Variants in NKAIN2 observed in about 807,000 individuals in gnomAD.
NKAIN2 encodes sodium/potassium-transporting ATPase subunit beta-1-interacting protein 2.
In NKAIN2, 14 loss-of-function variants were observed where a neutral mutation model predicts 32.6. The observed-to-expected ratio is 0.43, with a 90% confidence interval of 0.28 to 0.67. The LOEUF is 0.67. Among genes scored for constraint, NKAIN2 ranks in the 30% least tolerant of loss-of-function variants. The pLI, the probability that NKAIN2 is intolerant of heterozygous loss-of-function variation, is 0.17. For synonymous variants in NKAIN2, 80 were observed against 87.2 expected, an observed-to-expected ratio of 0.92 and a Z score of 0.46; for missense variants, 198 against 258.3, an observed-to-expected ratio of 0.77 and a Z score of 1.60.
intron 1 of NKAIN2, among the ~76,000 whole-genome samples, chr6:124,008,085 C>T (rs1448309479): frequency 1.5e-4 from 23 of 152,184 alleles, no homozygotes; most frequent in Middle Eastern, 3.4e-3. Flanking sequence ...CAGTGATGAC[C>T]GAGGAGGAGT....
intron 3 of NKAIN2, among the ~76,000 whole-genome samples, chr6:124,438,478 T>C (rs573355012): frequency 6.6e-6 from 1 of 152,296 alleles, no homozygotes; most frequent in South Asian, 2.1e-4. Flanking sequence ...CTGTTGACTC[T>C]TAACTGTGCT....
intron 1 of NKAIN2, among the ~76,000 whole-genome samples, chr6:123,822,207 A>G (rs988229138): frequency 2.7e-5 from 4 of 148,812 alleles, no homozygotes; most frequent in African/African-American, 9.9e-5. Flanking sequence ...GATGACTGTT[A>G]AAAAAAAAAC....
intron 4 of NKAIN2, among the ~76,000 whole-genome samples, chr6:124,790,564 T>C (rs1779702657): frequency 6.6e-6 from 1 of 152,086 alleles, no homozygotes; most frequent in South Asian, 2.1e-4. Context: ...TTTTCCATTA[T>C]CCAGATATTA....
intron 5 of NKAIN2, among the ~76,000 whole-genome samples, chr6:124,815,250 G>A (rs371418007): frequency 9.3e-4 from 82 of 88,310 alleles, no homozygotes; most frequent in South Asian, 2.4e-3. Flanking sequence ...ATGTATATAT[G>A]TATATATATA....
chr6:124,163,236 T>C (rs1166607854), intron 1 of NKAIN2, among the ~76,000 whole-genome samples: 1 of 151,970 alleles, frequency 6.6e-6, no homozygotes, highest in Non-Finnish European at 1.5e-5. Context: ...GAAATAAATA[T>C]ACTGTAGTTA....
At chr6:124,178,115 C>T (rs1447077349) in intron 1 of NKAIN2, among the ~76,000 whole-genome samples, 1 of 151,982 alleles carries the variant, frequency 6.6e-6, no homozygotes, top group Non-Finnish European at 1.5e-5. Context: ...TGTGAAGATG[C>T]AGCAAAAAGG....
chr6:123,848,365 G>C (rs1217929054), intron 1 of NKAIN2, among the ~76,000 whole-genome samples: 1 of 152,196 alleles, frequency 6.6e-6, no homozygotes, highest in Non-Finnish European at 1.5e-5. Context: ...ATCTTGAATT[G>C]TAGTTTCCAT....
chr6:124,625,959 ATACTT>A (rs1783314483), intron 3 of NKAIN2, among the ~76,000 whole-genome samples: 1 of 151,760 alleles, frequency 6.6e-6, no homozygotes, highest in Non-Finnish European at 1.5e-5. Context: ...TATTATTATT[ATACTT>A]TAAGTTTTAG....
intron 3 of NKAIN2, among the ~76,000 whole-genome samples, chr6:124,595,169 C>T (rs1782038945): frequency 2.0e-5 from 3 of 152,218 alleles, no homozygotes. Flanking sequence ...CTTGTTTTCA[C>T]AAGGCTGGTT....
chr6:124,789,826 A>C (rs185906661), intron 4 of NKAIN2, among the ~76,000 whole-genome samples: 20 of 152,162 alleles, frequency 1.3e-4, no homozygotes, highest in Admixed American at 9.8e-4. Context: ...AAACATGCTG[A>C]TTTGATGAGT....
intron 1 of NKAIN2, among the ~76,000 whole-genome samples, chr6:124,187,997 A>AATAG (rs1415091425): frequency 1.3e-5 from 2 of 152,220 alleles, no homozygotes; most frequent in Non-Finnish European, 2.9e-5. Flanking sequence ...TCATGGAAGC[A>AATAG]ATAGATGGTC....
At chr6:124,715,250 G>A (rs1318068620) in intron 4 of NKAIN2, among the ~76,000 whole-genome samples, 1 of 152,162 alleles carries the variant, frequency 6.6e-6, no homozygotes. Flanking sequence ...CCACATCAAG[G>A]TGTGACAAAG....
chr6:124,158,212 T>C (rs1788085196), intron 1 of NKAIN2, among the ~76,000 whole-genome samples: 1 of 152,114 alleles, frequency 6.6e-6, no homozygotes, highest in Admixed American at 6.5e-5. Context: ...TTTTCCTTTG[T>C]TCTTTCTCTT....
At chr6:124,689,360 C>T (rs905427479) in intron 4 of NKAIN2, among the ~76,000 whole-genome samples, 4 of 152,028 alleles carry the variant, frequency 2.6e-5, no homozygotes, top group Non-Finnish European at 5.9e-5. Context: ...GGATTGCAGT[C>T]CTTTATCATA....
intron 1 of NKAIN2, among the ~76,000 whole-genome samples, chr6:124,214,064 C>T (rs1186235898): frequency 2.6e-5 from 4 of 152,200 alleles, no homozygotes; most frequent in Non-Finnish European, 5.9e-5. Context: ...AACATTTCCT[C>T]CATTGTATAC....
chr6:123,916,006 T>G (rs181450732), intron 1 of NKAIN2, among the ~76,000 whole-genome samples: 4 of 152,300 alleles, frequency 2.6e-5, no homozygotes, highest in Admixed American at 6.5e-5. Flanking sequence ...TTCTTGAGGC[T>G]TAATTTCCCA....
chr6:124,545,329 T>C (rs1780056442), intron 3 of NKAIN2, among the ~76,000 whole-genome samples: 1 of 152,086 alleles, frequency 6.6e-6, no homozygotes, highest in Non-Finnish European at 1.5e-5. Flanking sequence ...TTTGAGACTG[T>C]CTCCCTTTTC....
At chr6:124,708,138 G>T (rs1384333083) in intron 4 of NKAIN2, among the ~76,000 whole-genome samples, 6 of 147,666 alleles carry the variant, frequency 4.1e-5, no homozygotes, top group Non-Finnish European at 6.0e-5. Context: ...GTTTGTCAAA[G>T]ATCAGATAGT....
chr6:124,536,217 T>A (rs1422885111), intron 3 of NKAIN2, among the ~76,000 whole-genome samples: 1 of 152,230 alleles, frequency 6.6e-6, no homozygotes, highest in Non-Finnish European at 1.5e-5. Context: ...GGTTTCTCTT[T>A]AGCAAGGCTT....
Sources: allele counts gnomAD v4.1 joint callset (sites outside exome capture counted in the v4.1 genomes callset), GRCh38; gene constraint gnomAD v4.1.1; transcripts MANE v1.5; gene names NCBI Gene and HGNC (gene_info 2026-07-23, HGNC 2026-07-21).